Variants in BICDL2 observed in about 807,000 individuals in gnomAD.
The protein encoded by BICDL2 is BICD family-like cargo adapter 2.
Under a neutral mutation model 56.6 loss-of-function variants are expected in BICDL2, and 62 were observed. The ratio of observed to expected loss-of-function variants is 1.10; its 90% CI spans 0.89 to 1.35. The LOEUF (loss-of-function observed/expected upper bound fraction) is 1.35, where lower values mean the gene tolerates loss of function less well. Ranked by LOEUF, BICDL2 falls within the 40% of genes most tolerant of loss-of-function variation. The pLI, the probability that BICDL2 is intolerant of heterozygous loss-of-function variation, is 0.00. For missense variants in BICDL2, 808 were observed against 684.5 expected, an observed-to-expected ratio of 1.18 and a Z score of -2.01; for synonymous variants, 358 against 319.8, an observed-to-expected ratio of 1.12 and a Z score of -1.27.
Position 3,035,474 on chromosome 16 carries a change from C to T in BICDL2, c.23G>A (p.Ser8Asn), listed in dbSNP as rs1955722386. Residue 8 changes from serine (S) to asparagine (N), a missense_variant, in exon 2 of 10, where the codon AGC (serine) becomes AAC (asparagine). By Grantham distance (46) the Ser-to-Asn change is conservative. Transcript: ENST00000572449. ...CCCTGAGAGCGGCCCGGACGGGAAG[C>T]TGGGCCCATCTGGAGAGCTCATGTC... MSSPDGP[S>N]FPSGPLSGGA... 1 of 1,611,012 alleles carries T rather than the reference C, an allele frequency of 6.2e-7. No homozygotes were observed. Among genetic ancestry groups the T allele is most frequent in the African/African-American group, 1.3e-5 (1 of 74,946 alleles).
chr16:3,035,181 A>ACCCCCCCCCCCCCCCC lies in BICDL2; in HGVS notation c.282+33_282+34insGGGGGGGGGGGGGGGG. On this transcript the variant is annotated intron_variant, in intron 2 of 9. Coordinates refer to ENST00000572449, the MANE Select transcript of BICDL2 (RefSeq NM_001369667.1). ...CAGGCCCACCCGTCCTCCCCTGCCC[A>ACCCCCCCCCCCCCCCC]CCCACCCACCCACCCCGTCCAGTGC... The ACCCCCCCCCCCCCCCC allele has an allele frequency of 8.7e-5, 3 of 34,310 alleles. 1 individual carries two copies. Among genetic ancestry groups the ACCCCCCCCCCCCCCCC allele is most frequent in the Non-Finnish European group, 1.6e-4 (3 of 18,908 alleles). The allele number at this position is 34,310 out of a possible 1,614,324, so 2.1% of individuals were successfully genotyped here. A position where few individuals can be genotyped will look rare whatever the true frequency, so the allele number is the denominator to read the frequency against.
chr16:3,028,323 C>T (rs1377683662), intron 9 of BICDL2, 25 bp downstream of exon 9: 2 of 1,543,930 alleles, frequency 1.3e-6, no homozygotes, highest in Admixed American at 3.9e-5. Context: ...CTTGCCCCGC[C>T]CCGCACACGG....
chr16:3,027,800 T>G lies in BICDL2; in HGVS notation c.*306A>C. ...GGGGCCAAATCGGTGGAGTGATTTATATATTACTCTGTCCGATCTTGATAC... is the reference window on the plus strand; with the variant it reads ...GGGGCCAAATCGGTGGAGTGATTTAGATATTACTCTGTCCGATCTTGATAC... On this transcript the variant is annotated 3_prime_UTR_variant, in exon 10 of 10. Transcript: ENST00000572449. 1 of 946,754 alleles carries G rather than the reference T, an allele frequency of 1.1e-6. No homozygotes were observed. Among genetic ancestry groups the G allele is most frequent in the Admixed American group, 2.9e-5 (1 of 34,150 alleles). The allele number at this position is 946,754 out of a possible 1,614,324, so 58.6% of individuals were successfully genotyped here.
In BICDL2 at chr16:3,028,714, G is replaced by T. The variant is rs1314569095; in HGVS notation, c.1224C>A (p.Asp408Glu). ...EALHSALSDR[D>E]EAVNKALELS... is the part of the protein sequence containing the mutation. ...TTGAGGCTTACTTGTTCACGGCCTC[G>T]TCCCGGTCTGAGAGGGCACTGTGCA... The change falls in exon 8 of 10, where the codon GAC becomes GAA. Residue 408 changes from aspartate to glutamate, a missense_variant. Asp to Glu is a conservative substitution (Grantham distance 45). Coordinates refer to ENST00000572449, the MANE Select transcript of BICDL2 (RefSeq NM_001369667.1). The T allele has an allele frequency of 5.7e-6, 9 of 1,568,922 alleles. No individual in the cohort carries two copies. Among genetic ancestry groups the T allele is most frequent in the Non-Finnish European group, 7.8e-6 (9 of 1,157,246 alleles).
At chr16:3,035,176 T>TTGGCCCCGGGGGGGGGGGGGGGGG in intron 2 of BICDL2, 39 bp downstream of exon 2, 2 of 136,274 alleles carry the variant, frequency 1.5e-5, no homozygotes, top group Non-Finnish European at 2.7e-5. Flanking sequence ...CGTCCTCCCC[T>TTGGCCCCGGGGGGGGGGGGGGGGG]GCCCACCCAC....
chr16:3,033,600 G>A (rs750599824), intron 2 of BICDL2, among the ~76,000 whole-genome samples: 21 of 152,240 alleles, frequency 1.4e-4, no homozygotes, highest in Middle Eastern at 3.4e-3. Context: ...GGGCAACATG[G>A]TGAGACCTCA....
intron 2 of BICDL2, 143 bp downstream of exon 2, chr16:3,035,072 C>G (rs1220920098): frequency 1.2e-6 from 1 of 814,204 alleles, no homozygotes; most frequent in Admixed American, 2.8e-5. Context: ...CAGCTCTGAC[C>G]TGTTCCAAAG....
chr16:3,033,865 T>C (rs889935516), intron 2 of BICDL2, among the ~76,000 whole-genome samples: 2 of 150,936 alleles, frequency 1.3e-5, no homozygotes, highest in Non-Finnish European at 2.9e-5. Context: ...AAGGCGAGGA[T>C]GGGGACAGCA....
Position 3,028,272 on chromosome 16 carries a change from T to A in BICDL2, c.1361A>T (p.Asp454Val), listed in dbSNP as rs1162478474. ...ALTQELEAWQ[D>V]DMQVVIGQQL... is the part of the protein sequence containing the mutation. ...CTGCCCGATCACCACCTGCATGTCG[T>A]CCTGCGGGAGGCCGTGGTCGGCTCA... Residue 454 changes from aspartate to valine, a missense_variant and splice_region_variant, in exon 10 of 10, where the codon GAC becomes GTC. Transcript: ENST00000572449. 3 of 1,491,466 alleles carry A rather than the reference T, an allele frequency of 2.0e-6. No homozygotes were observed. The East Asian group carries it at 7.5e-5, about 37-fold the overall frequency. The allele number at this position is 1,491,466 out of a possible 1,614,324, so 92.4% of individuals were successfully genotyped here. A position where few individuals can be genotyped will look rare whatever the true frequency, so the allele number is the denominator to read the frequency against.
chr16:3,028,545 C>T (rs1351538790), intron 8 of BICDL2, 77 bp from the exon 9 acceptor site: 3 of 1,535,612 alleles, frequency 2.0e-6, no homozygotes, highest in Middle Eastern at 1.8e-4. Context: ...GACTTCTGTA[C>T]CCGGGCGGGA....
Position 3,029,555 on chromosome 16 carries a change from C to A in BICDL2, c.947G>T (p.Gly316Val). 1 of 1,549,720 alleles carries A rather than the reference C, an allele frequency of 6.5e-7. No homozygotes were observed. The highest frequency in any genetic ancestry group is 8.7e-7 in the Non-Finnish European group (1 of 1,152,288). The change falls in exon 6 of 10, where the codon GGA becomes GTA. Residue 316 changes from glycine to valine, a missense_variant. Transcript: ENST00000572449. ...GDQGQGADAP[G>V]DTPTTRSPKT... Reference sequence around the variant, plus strand: ...GCCCCACGAGCTCACCGGGGTGTCTCCGGGTGCGTCGGCGCCCTGGCCCTG... The same window carrying A: ...GCCCCACGAGCTCACCGGGGTGTCTACGGGTGCGTCGGCGCCCTGGCCCTG...
At position 3,035,336 on chromosome 16, in the gene BICDL2, A is replaced by T; in HGVS notation, c.161T>A (p.Leu54Gln). 1 of 1,595,034 alleles carries T rather than the reference A, an allele frequency of 6.3e-7. No individual in the cohort carries two copies. The highest frequency in any genetic ancestry group is 8.5e-7 in the Non-Finnish European group (1 of 1,171,390). The change falls in exon 2 of 10, where the codon CTG becomes CAG. Residue 54 changes from leucine (L) to glutamine (Q), a missense_variant. By Grantham distance (113) the Leu-to-Gln change is moderately radical. Transcript: ENST00000572449. ...PEEPEDLALQ[L>Q]QQKEKDLLLA... ...CAGCAGGTCTTTCTCCTTCTGCTGC[A>T]GCTGCAAGGCTAGGTCCTCGGGCTC... is the stretch of plus-strand genomic sequence containing the variant.
chr16:3,029,754 G>T lies in BICDL2; in HGVS notation c.763-15C>A. The T allele has an allele frequency of 1.4e-6, 2 of 1,459,836 alleles. No individual in the cohort carries two copies. Among genetic ancestry groups the T allele is most frequent in the East Asian group, 2.8e-5 (1 of 36,316 alleles). The allele number at this position is 1,459,836 out of a possible 1,614,324, so 90.4% of individuals were successfully genotyped here. A position where few individuals can be genotyped will look rare whatever the true frequency, so the allele number is the denominator to read the frequency against. ...GCGCGTTCCAGCTGTGGACGGTCCC[G>T]CAGACGGAAGCGCGGGCGGTCAGCG... On this transcript the variant is annotated splice_polypyrimidine_tract_variant and intron_variant, in intron 5 of 9. Coordinates refer to ENST00000572449, the MANE Select transcript of BICDL2 (RefSeq NM_001369667.1).
At chr16:3,028,619 A>G in intron 8 of BICDL2, 81 bp downstream of exon 8, 4 of 1,406,212 alleles carry the variant, frequency 2.8e-6, no homozygotes, top group Non-Finnish European at 3.7e-6. Context: ...GGGGATCATT[A>G]TAACCCGTAT....
intron 7 of BICDL2, 85 bp from the exon 8 acceptor site, chr16:3,028,915 C>T (rs112741342): frequency 2.1e-6 from 3 of 1,460,668 alleles, no homozygotes; most frequent in Non-Finnish European, 2.7e-6. Context: ...TGGCTCTCCC[C>T]ACCCCTCCTC....
rs997942942 is a variant in BICDL2 at position 3,029,682 on chromosome 16, G to A, written c.820C>T (p.Arg274Trp). The change falls in exon 6 of 10, where the codon CGG becomes TGG. Residue 274 changes from arginine (R) to tryptophan (W), a missense_variant. Coordinates refer to ENST00000572449, the MANE Select transcript of BICDL2 (RefSeq NM_001369667.1). ...EALSALRRLQRRVSELEEESR... is the reference protein window; with the variant it reads ...EALSALRRLQWRVSELEEESR... ...TCCTCCTCCAGCTCGGAGACGCGCC[G>A]CTGCAGCCTCCGCAGCGCACTCAGC... is the stretch of plus-strand genomic sequence containing the variant. The A allele has an allele frequency of 2.9e-5, 44 of 1,540,782 alleles. No homozygotes were observed. Among genetic ancestry groups the A allele is most frequent in the Non-Finnish European group, 3.7e-5 (42 of 1,149,354 alleles).
chr16:3,028,240 G>A lies in BICDL2; in HGVS notation c.1393C>T (p.Arg465Cys). 1.4e-6 allele frequency: 2 copies of A among 1,472,062 alleles called. No homozygotes were observed. Among genetic ancestry groups the A allele is most frequent in the Non-Finnish European group, 1.8e-6 (2 of 1,123,712 alleles). The allele number at this position is 1,472,062 out of a possible 1,614,324, so 91.2% of individuals were successfully genotyped here. ...CTCAGCTCCTTCTGGCGCTGTGAGC[G>A]CAGCTGCTGCCCGATCACCACCTGC... ...DMQVVIGQQL[R>C]SQRQKELSAS... is the part of the protein sequence containing the mutation. Residue 465 changes from arginine (R) to cysteine (C), a missense_variant, in exon 10 of 10, where the codon CGC becomes TGC. Coordinates refer to ENST00000572449, the MANE Select transcript of BICDL2 (RefSeq NM_001369667.1).
rs1334225549 is a variant in BICDL2 at position 3,029,425 on chromosome 16, G to C, written c.962C>G (p.Thr321Ser). The C allele has an allele frequency of 2.5e-6, 4 of 1,602,932 alleles. No homozygotes were observed. The highest frequency in any genetic ancestry group is 1.1e-5 in the South Asian group (1 of 90,746). Residue 321 changes from threonine to serine, a missense_variant, in exon 7 of 10, where the codon ACC becomes AGC. Transcript: ENST00000572449. Reference sequence around the variant, plus strand: ...CGCCTTTCGGGTCTTTGGGGACCGGGTGGTCTGTGGGCCAAAGAAATGGGT... The same window carrying C: ...CGCCTTTCGGGTCTTTGGGGACCGGCTGGTCTGTGGGCCAAAGAAATGGGT... ...GADAPGDTPT[T>S]RSPKTRKASS... is the part of the protein sequence containing the mutation.
In BICDL2 at chr16:3,028,278, G is replaced by A; in HGVS notation, c.1360-5C>T. 2 of 1,491,032 alleles carry A rather than the reference G, an allele frequency of 1.3e-6. No individual in the cohort carries two copies. Among genetic ancestry groups the A allele is most frequent in the South Asian group, 1.3e-5 (1 of 75,248 alleles). 92.4% of individuals were successfully genotyped at this position (1,491,032 alleles called of 1,614,324 possible). A position where few individuals can be genotyped will look rare whatever the true frequency, so the allele number is the denominator to read the frequency against. On this transcript the variant is annotated splice_region_variant and splice_polypyrimidine_tract_variant and intron_variant, in intron 9 of 9. Coordinates refer to ENST00000572449, the MANE Select transcript of BICDL2 (RefSeq NM_001369667.1). ...GATCACCACCTGCATGTCGTCCTGC[G>A]GGAGGCCGTGGTCGGCTCAGCGCCG... is the stretch of plus-strand genomic sequence containing the variant.
Sources: gnomAD v4.1 joint callset for allele counts (sites outside exome capture counted in the v4.1 genomes callset) on GRCh38, gnomAD v4.1.1 for gene constraint, MANE v1.5 for transcripts, NCBI Gene and HGNC (gene_info 2026-07-23, HGNC 2026-07-21) for gene names.